CD5: variants seen among roughly 807,000 people sequenced by gnomAD.
The protein encoded by CD5 is T-cell surface glycoprotein CD5.
In CD5, 36 loss-of-function variants were observed where a neutral mutation model predicts 60.3. The ratio of observed to expected loss-of-function variants is 0.60; its 90% CI spans 0.46 to 0.79. CD5 has a LOEUF of 0.79. Among genes scored for constraint, CD5 ranks in the 30% least tolerant of loss-of-function variants. The pLI, the probability that CD5 is intolerant of heterozygous loss-of-function variation, is 0.00. For missense variants in CD5, 540 were observed against 630.6 expected, an observed-to-expected ratio of 0.86 and a Z score of 1.54; for synonymous variants, 230 against 257.6, an observed-to-expected ratio of 0.89 and a Z score of 1.03.
At chr11:61,100,682 ACAT>A (rs1565181103), upstream of CD5, among the ~76,000 whole-genome samples, 1 of 138,206 alleles carries the variant, frequency 7.2e-6, no homozygotes, top group African/African-American at 2.8e-5. Context: ...ACATTCACAC[ACAT>A]CAACATGGAG....
chr11:61,119,018 C>A (rs772511024), intron 4 of CD5, 41 bp downstream of exon 4: 1 of 1,509,004 alleles, frequency 6.6e-7, no homozygotes, highest in South Asian at 1.2e-5. Flanking sequence ...TCAGAGCTAG[C>A]AAATAAAAAC....
intron 7 of CD5, among the ~76,000 whole-genome samples, chr11:61,123,641 C>T (rs1359481547): frequency 4.6e-5 from 7 of 152,132 alleles, no homozygotes; most frequent in South Asian, 2.1e-4. Flanking sequence ...CCTGGGGAGC[C>T]GGGCACCTCT....
chr11:61,102,841 C>T (rs755428271), intron 1 of CD5, among the ~76,000 whole-genome samples: 4 of 152,216 alleles, frequency 2.6e-5, no homozygotes, highest in Admixed American at 6.5e-5. Context: ...CTCTCTCATG[C>T]GCTGTTGAGA....
intron 5 of CD5, 21 bp from the exon 6 acceptor site, chr11:61,121,590 T>C: frequency 1.4e-6 from 2 of 1,442,652 alleles, no homozygotes; most frequent in Non-Finnish European, 9.1e-7. Flanking sequence ...CACCCTCCTT[T>C]CCCATTGCTT....
chr11:61,104,894 C>T, intron 1 of CD5, among the ~76,000 whole-genome samples: 1 of 152,226 alleles, frequency 6.6e-6, no homozygotes, highest in East Asian at 1.9e-4. Context: ...AGGCCCCTCC[C>T]TTAGCTAAAA....
upstream of CD5, chr11:61,102,459 C>T (rs1321221028): frequency 2.9e-5 from 18 of 612,058 alleles, no homozygotes; most frequent in Admixed American, 5.6e-5. Flanking sequence ...TCCCTGAGCA[C>T]GCCACCCCGC....
At chr11:61,112,408 C>T (rs1860869093) in intron 1 of CD5, among the ~76,000 whole-genome samples, 1 of 152,150 alleles carries the variant, frequency 6.6e-6, no homozygotes, top group East Asian at 1.9e-4. Flanking sequence ...CTTTGGGAGG[C>T]TGAGGGGGGT....
chr11:61,103,511 C>T (rs879915867), intron 1 of CD5, among the ~76,000 whole-genome samples: 10 of 150,766 alleles, frequency 6.6e-5, no homozygotes, highest in South Asian at 4.2e-4. Flanking sequence ...CTAGGGAAAC[C>T]GGGTGTGCAG....
At chr11:61,106,294 T>C (rs1000313350) in intron 1 of CD5, among the ~76,000 whole-genome samples, 2 of 151,990 alleles carry the variant, frequency 1.3e-5, no homozygotes, top group Non-Finnish European at 2.9e-5. Flanking sequence ...CGAGGTCTCA[T>C]CTGAGAATCC....
rs1212160617 is a variant in CD5 at position 61,127,415 on chromosome 11, G to A, written c.*1130G>A. Reference sequence around the variant, plus strand: ...CACGCCATTTGATGCTGTATCTCCTGGGAGCACAGGCATCAATGGTCCAAG... The same window carrying A: ...CACGCCATTTGATGCTGTATCTCCTAGGAGCACAGGCATCAATGGTCCAAG... On this transcript the variant is annotated 3_prime_UTR_variant, in exon 11 of 11. Transcript: ENST00000347785. The A allele has an allele frequency of 1.3e-5, 2 of 152,172 alleles. No homozygotes were observed. Among genetic ancestry groups the A allele is most frequent in the African/African-American group, 4.8e-5 (2 of 41,450 alleles). The allele number at this position is 152,172 out of a possible 1,614,324, so 9.4% of individuals were successfully genotyped here. A position where few individuals can be genotyped will look rare whatever the true frequency, so the allele number is the denominator to read the frequency against.
chr11:61,097,116 C>T, the CD5 span, among the ~76,000 whole-genome samples: 1 of 152,204 alleles, frequency 6.6e-6, no homozygotes. Context: ...TGTGCCAGTA[C>T]CACAAATTCC....
intron 2 of CD5, among the ~76,000 whole-genome samples, chr11:61,117,005 A>G (rs1036712129): frequency 1.3e-5 from 2 of 152,254 alleles, no homozygotes; most frequent in Non-Finnish European, 2.9e-5. Context: ...ACCCAAGAGA[A>G]ATGGAAACGC....
intron 10 of CD5, 23 bp from the exon 11 acceptor site, chr11:61,126,265 C>G (rs1360637032): frequency 6.3e-6 from 1 of 157,764 alleles, no homozygotes; most frequent in Non-Finnish European, 1.4e-5. Context: ...CTTCCTCTAA[C>G]ACGTTTCCTT....
chr11:61,102,312 T>C, upstream of CD5: 2 of 559,572 alleles, frequency 3.6e-6, no homozygotes, highest in Non-Finnish European at 3.2e-6. Flanking sequence ...CAGCCCTGGG[T>C]ACCTTGGGCA....
intron 1 of CD5, among the ~76,000 whole-genome samples, chr11:61,107,222 C>T (rs960745330): frequency 6.6e-6 from 1 of 152,108 alleles, no homozygotes. Flanking sequence ...GTGAGCCCAC[C>T]GTGTGGGACC....
At position 61,121,793 on chromosome 11, in the gene CD5, C is replaced by G; in HGVS notation, c.988C>G (p.Leu330Val). The G allele has an allele frequency of 6.2e-7, 1 of 1,610,636 alleles. No homozygotes were observed. The highest frequency in any genetic ancestry group is 8.5e-7 in the Non-Finnish European group (1 of 1,177,476). ...QCGSVNSYRV[L>V]DAGDPTSRGL... is the part of the protein sequence containing the mutation. Reference sequence around the variant, plus strand: ...TGGCAGCGTCAACTCCTATCGAGTGCTGGACGCTGGTGACCCAACATCCCG... The same window carrying G: ...TGGCAGCGTCAACTCCTATCGAGTGGTGGACGCTGGTGACCCAACATCCCG... The change falls in exon 6 of 11, where the codon CTG becomes GTG. Residue 330 changes from leucine to valine, a missense_variant. Transcript: ENST00000347785.
At chr11:61,099,901 T>TCA (rs1491312998), upstream of CD5, among the ~76,000 whole-genome samples, 1 of 137,134 alleles carries the variant, frequency 7.3e-6, no homozygotes, top group Non-Finnish European at 1.5e-5. Context: ...AACATGGAGA[T>TCA]CACACACACA....
rs768519405 is a variant in CD5, at chr11:61,121,606, C to T, written c.806-5C>T. 6.9e-7 allele frequency: 1 copy of T among 1,456,576 alleles called. No homozygotes were observed. The highest frequency in any genetic ancestry group is 2.3e-5 in the Admixed American group (1 of 44,182). 90.2% of individuals were successfully genotyped at this position (1,456,576 alleles called of 1,614,324 possible). On this transcript the variant is annotated splice_polypyrimidine_tract_variant and splice_region_variant and intron_variant, in intron 5 of 10. Transcript: ENST00000347785. ...ACCCTCCTTTCCCATTGCTTCCCCT[C>T]TCAGGTTTCCAGCCCAAGGTGCAGA...
At chr11:61,105,996 G>A (rs1014185994) in intron 1 of CD5, among the ~76,000 whole-genome samples, 1 of 151,982 alleles carries the variant, frequency 6.6e-6, no homozygotes, top group Non-Finnish European at 1.5e-5. Context: ...GTGGTGGCAC[G>A]CACCTGTAAT....
Sources: gnomAD v4.1 joint callset for allele counts (sites outside exome capture counted in the v4.1 genomes callset) on GRCh38, gnomAD v4.1.1 for gene constraint, MANE v1.5 for transcripts, NCBI Gene and HGNC (gene_info 2026-07-23, HGNC 2026-07-21) for gene names.